Variants in SLC39A11 observed in about 807,000 individuals in gnomAD.
SLC39A11 encodes solute carrier family 39 member 11, also known as zinc transporter ZIP11.
Under a neutral mutation model 36.1 loss-of-function variants are expected in SLC39A11, and 33 were observed. The ratio of observed to expected loss-of-function variants is 0.91; its 90% confidence interval spans 0.69 to 1.22. The LOEUF is 1.22. SLC39A11 is among the 50% of genes most tolerant of loss of function. SLC39A11 has a pLI of 0.00. For synonymous variants in SLC39A11, 166 were observed against 170.3 expected (o/e 0.97, Z 0.20); for missense variants, 432 against 430.3 (o/e 1.00, Z -0.03).
At chr17:72,661,211 C>T (rs779579368) in intron 7 of SLC39A11, among the ~76,000 whole-genome samples, 1 of 152,188 alleles carries the variant, frequency 6.6e-6, no homozygotes, top group Non-Finnish European at 1.5e-5. Flanking sequence ...TCCAGGGGTA[C>T]TTTTCACCTT....
intron 4 of SLC39A11, among the ~76,000 whole-genome samples, chr17:73,002,397 C>T (rs1438235158): frequency 6.6e-6 from 1 of 152,102 alleles, no homozygotes; most frequent in Non-Finnish European, 1.5e-5. Flanking sequence ...ATGCCAGAGC[C>T]TGCGCTACTG....
intron 2 of SLC39A11, among the ~76,000 whole-genome samples, chr17:73,086,899 A>G (rs1363826357): frequency 6.6e-6 from 1 of 151,678 alleles, no homozygotes; most frequent in African/African-American, 2.4e-5. Context: ...CTAAAACTAC[A>G]AAAAAAATTA....
chr17:72,764,023 G>A (rs2075682002), intron 6 of SLC39A11, among the ~76,000 whole-genome samples: 1 of 151,834 alleles, frequency 6.6e-6, no homozygotes, highest in Non-Finnish European at 1.5e-5. Flanking sequence ...AATAAAGCTC[G>A]GTTTATCCAA....
intron 3 of SLC39A11, among the ~76,000 whole-genome samples, chr17:73,083,586 C>T (rs1241410739): frequency 6.6e-6 from 1 of 152,034 alleles, no homozygotes; most frequent in Non-Finnish European, 1.5e-5. Context: ...CTAATCAAGA[C>T]TCCAGGTCTA....
chr17:72,693,480 CATT>C (rs1166452108), intron 7 of SLC39A11, among the ~76,000 whole-genome samples: 3 of 152,258 alleles, frequency 2.0e-5, no homozygotes, highest in Non-Finnish European at 4.4e-5. Flanking sequence ...AGCCTTTAAA[CATT>C]ATTAAAATGT....
intron 6 of SLC39A11, among the ~76,000 whole-genome samples, chr17:72,753,019 C>T (rs1442216263): frequency 1.3e-5 from 2 of 151,950 alleles, no homozygotes; most frequent in Admixed American, 6.6e-5. Flanking sequence ...CCATGCCCAG[C>T]TAATTTATTT....
At chr17:72,739,999 G>A (rs1032984005) in intron 6 of SLC39A11, among the ~76,000 whole-genome samples, 22 of 147,606 alleles carry the variant, frequency 1.5e-4, no homozygotes, top group African/African-American at 5.5e-4. Context: ...AAGTAAGCTA[G>A]ATAACACTTC....
intron 6 of SLC39A11, among the ~76,000 whole-genome samples, chr17:72,842,823 C>T (rs2078879880): frequency 6.6e-6 from 1 of 152,156 alleles, no homozygotes; most frequent in East Asian, 1.9e-4. Flanking sequence ...CTGGAGTCTG[C>T]CTTTTAGTGC....
intron 5 of SLC39A11, among the ~76,000 whole-genome samples, chr17:72,864,438 G>A (rs1333369716): frequency 6.6e-6 from 1 of 151,896 alleles, no homozygotes; most frequent in Non-Finnish European, 1.5e-5. Context: ...AGGACAGGCT[G>A]AGCCCAGCTA....
intron 7 of SLC39A11, among the ~76,000 whole-genome samples, chr17:72,701,086 C>T (rs2072591713): frequency 6.6e-6 from 1 of 152,276 alleles, no homozygotes; most frequent in Non-Finnish European, 1.5e-5. Flanking sequence ...GGGCCACATT[C>T]ACCTTCCATC....
chr17:73,044,833 C>T (rs866895293), intron 3 of SLC39A11, among the ~76,000 whole-genome samples: 18 of 148,168 alleles, frequency 1.2e-4, no homozygotes, highest in African/African-American at 2.3e-4. Context: ...GCCAAAATCA[C>T]GCCACTGCAC....
chr17:72,696,123 T>C (rs1256142369), intron 7 of SLC39A11, among the ~76,000 whole-genome samples: 1 of 151,918 alleles, frequency 6.6e-6, no homozygotes, highest in Non-Finnish European at 1.5e-5. Context: ...AAAGTGTATA[T>C]AATTACAGCT....
At chr17:73,079,603 T>A (rs1159724200) in intron 3 of SLC39A11, among the ~76,000 whole-genome samples, 1 of 152,046 alleles carries the variant, frequency 6.6e-6, no homozygotes, top group Non-Finnish European at 1.5e-5. Context: ...GGATACCCAC[T>A]TTCACCACTT....
intron 5 of SLC39A11, among the ~76,000 whole-genome samples, chr17:72,894,379 A>G (rs1235640208): frequency 6.7e-6 from 1 of 148,448 alleles, no homozygotes; most frequent in Non-Finnish European, 1.5e-5. Flanking sequence ...AAAAAAAAAA[A>G]AAAAAAAAGG....
rs1388051612 is a variant in SLC39A11 at position 72,646,870 on chromosome 17, CTCT to C, written c.*711_*713del. The C allele has an allele frequency of 6.6e-6, 1 of 151,232 alleles. No individual in the cohort carries two copies. Among genetic ancestry groups the C allele is most frequent in the Non-Finnish European group, 1.5e-5 (1 of 67,904 alleles). The allele number at this position is 151,232 out of a possible 1,614,324, so 9.4% of individuals were successfully genotyped here. ...CCGAACAAACCCACACTCTGTCTGT[CTCT>C]TCTTTCCACAGGGCTCACTGTGAGT... is the stretch of plus-strand genomic sequence containing the variant. On this transcript the variant is annotated 3_prime_UTR_variant, in exon 10 of 10. Coordinates refer to ENST00000255559, the MANE Select transcript of SLC39A11 (RefSeq NM_139177.4).
At chr17:72,818,973 C>T (rs1159726467) in intron 6 of SLC39A11, 1 of 151,710 alleles carries the variant, frequency 6.6e-6, no homozygotes, top group Non-Finnish European at 1.5e-5. Flanking sequence ...TGAATGTCTG[C>T]CCTATTATAA....
chr17:72,710,743 G>A (rs2073078161), intron 7 of SLC39A11, among the ~76,000 whole-genome samples: 2 of 152,292 alleles, frequency 1.3e-5, no homozygotes, highest in Admixed American at 1.3e-4. Context: ...GCCACGTAGT[G>A]TCTTCCTAGA....
chr17:73,006,261 G>C (rs981092885), intron 4 of SLC39A11, among the ~76,000 whole-genome samples: 1 of 152,012 alleles, frequency 6.6e-6, no homozygotes, highest in Non-Finnish European at 1.5e-5. Flanking sequence ...TCATCATCAA[G>C]AAAAAGGGCA....
Position 72,738,476 on chromosome 17 carries a change from T to G in SLC39A11, c.602-1757A>C, listed in dbSNP as rs186951111. ...CGTCCTTTCCTGTGGTACATGGGCT[T>G]GCCAAGTTCACCACCCACTCGCCTA... On this transcript the variant is annotated intron_variant, in intron 6 of 9. Transcript: ENST00000255559. Among the ~76,000 whole-genome samples the G allele has an allele frequency of 3.9e-5, 6 of 152,238 alleles. No homozygotes were observed. The East Asian group carries it at 7.7e-4, about 20-fold the overall frequency.
Sources: allele counts gnomAD v4.1 joint callset (sites outside exome capture counted in the v4.1 genomes callset), GRCh38; gene constraint gnomAD v4.1.1; transcripts MANE v1.5; gene names NCBI Gene and HGNC (gene_info 2026-07-23, HGNC 2026-07-21).